STXBP6: variants seen among roughly 807,000 people sequenced by gnomAD.
The protein encoded by STXBP6 is syntaxin binding protein 6.
STXBP6 carries 21 observed loss-of-function variants against 26.9 expected under a neutral mutation model. The ratio of observed to expected loss-of-function variants is 0.78; its 90% confidence interval spans 0.55 to 1.12. STXBP6 has a LOEUF of 1.12. Among genes scored for constraint, STXBP6 ranks in the 50% most tolerant of loss-of-function variants. The pLI, the probability that STXBP6 is intolerant of heterozygous loss-of-function variation, is 0.00. For synonymous variants in STXBP6, 97 were observed against 92.6 expected, an observed-to-expected ratio of 1.05 and a Z score of -0.27; for missense variants, 232 against 257.9, an observed-to-expected ratio of 0.90 and a Z score of 0.69.
At chr14:24,853,996 A>C (rs978388544) in intron 4 of STXBP6, among the ~76,000 whole-genome samples, 1 of 152,122 alleles carries the variant, frequency 6.6e-6, no homozygotes, top group African/African-American at 2.4e-5. Flanking sequence ...TAAGGAACCA[A>C]ATATAGAATT....
chr14:24,813,802 C>G (rs1360855840), intron 5 of STXBP6, among the ~76,000 whole-genome samples: 3 of 152,168 alleles, frequency 2.0e-5, no homozygotes, highest in Non-Finnish European at 4.4e-5. Context: ...TCTGCAAAAC[C>G]CAGGGCAACC....
intron 1 of STXBP6, among the ~76,000 whole-genome samples, chr14:25,032,615 C>A (rs1019744940): frequency 5.3e-5 from 8 of 152,200 alleles, no homozygotes; most frequent in Non-Finnish European, 8.8e-5. Flanking sequence ...AGGGCCTATG[C>A]CCTCTGAGCA....
intron 1 of STXBP6, among the ~76,000 whole-genome samples, chr14:25,039,610 C>G (rs2075609835): frequency 6.6e-6 from 1 of 152,148 alleles, no homozygotes; most frequent in Non-Finnish European, 1.5e-5. Flanking sequence ...TCCTCTACAG[C>G]ATTGGCCCAA....
intron 2 of STXBP6, among the ~76,000 whole-genome samples, chr14:24,865,082 TA>T (rs33988920): frequency 0.88 from 133,960 of 151,996 alleles, 59,974 homozygotes; most frequent in Non-Finnish European, 0.97. Flanking sequence ...TTTAATTTTT[TA>T]AAACTCTAGG....
At chr14:24,955,712 C>G (rs1366166507) in intron 2 of STXBP6, among the ~76,000 whole-genome samples, 1 of 152,104 alleles carries the variant, frequency 6.6e-6, no homozygotes, top group Non-Finnish European at 1.5e-5. Context: ...TCTGGCCCTG[C>G]TTCCCCCAGC....
intron 2 of STXBP6, among the ~76,000 whole-genome samples, chr14:24,952,093 G>A (rs937865339): frequency 2.6e-5 from 4 of 151,334 alleles, no homozygotes; most frequent in Non-Finnish European, 5.9e-5. Context: ...AAATAATCCA[G>A]TGAGAGGCAG....
chr14:25,030,668 A>G (rs2075436861), intron 1 of STXBP6, among the ~76,000 whole-genome samples: 1 of 152,066 alleles, frequency 6.6e-6, no homozygotes, highest in South Asian at 2.1e-4. Context: ...CCACCTAAAC[A>G]CCAGGGCACA....
At chr14:24,964,834 TTTTGTTTTAA>T (rs2073681792) in intron 2 of STXBP6, among the ~76,000 whole-genome samples, 1 of 152,170 alleles carries the variant, frequency 6.6e-6, no homozygotes, top group Admixed American at 6.6e-5. Flanking sequence ...TTTTGTTTTA[TTTTGTTTTAA>T]TTTTTCTTTT....
chr14:24,821,948 G>A (rs1333372074), intron 4 of STXBP6, among the ~76,000 whole-genome samples: 1 of 151,974 alleles, frequency 6.6e-6, no homozygotes, highest in Non-Finnish European at 1.5e-5. Flanking sequence ...TGTAATCCCA[G>A]GGTTCTTTCC....
chr14:25,036,814 C>A (rs1312575424), intron 1 of STXBP6, among the ~76,000 whole-genome samples: 3 of 148,148 alleles, frequency 2.0e-5, no homozygotes, highest in Non-Finnish European at 4.4e-5. Flanking sequence ...CAAGATGGCG[C>A]CACAGCACTC....
chr14:24,842,828 T>C (rs1321844384), intron 4 of STXBP6, among the ~76,000 whole-genome samples: 2 of 152,356 alleles, frequency 1.3e-5, no homozygotes, highest in South Asian at 2.1e-4. Context: ...TTAGTGGCTG[T>C]ATCTGTTATC....
chr14:25,011,496 G>A (rs548220355), intron 1 of STXBP6, among the ~76,000 whole-genome samples: 5 of 152,256 alleles, frequency 3.3e-5, no homozygotes, highest in African/African-American at 1.2e-4. Context: ...AGCTAATGTT[G>A]TTCATTAGCC....
At chr14:24,837,694 C>A (rs1379530998) in intron 4 of STXBP6, among the ~76,000 whole-genome samples, 1 of 152,116 alleles carries the variant, frequency 6.6e-6, no homozygotes, top group African/African-American at 2.4e-5. Flanking sequence ...TTAATCTCTG[C>A]AAAATTAAAA....
intron 4 of STXBP6, among the ~76,000 whole-genome samples, chr14:24,846,493 G>C (rs949446944): frequency 6.6e-6 from 1 of 152,092 alleles, no homozygotes; most frequent in Non-Finnish European, 1.5e-5. Flanking sequence ...TACCATAAAC[G>C]TTCTTTGTTT....
At chr14:24,816,452 A>C (rs1047661399) in intron 5 of STXBP6, 5 of 152,306 alleles carry the variant, frequency 3.3e-5, no homozygotes, top group African/African-American at 9.6e-5. Flanking sequence ...CCAGTGATTC[A>C]TAGGCACACA....
At chr14:25,034,178 C>T (rs1296966457) in intron 1 of STXBP6, among the ~76,000 whole-genome samples, 1 of 152,034 alleles carries the variant, frequency 6.6e-6, no homozygotes, top group African/African-American at 2.4e-5. Flanking sequence ...GTAATAATAC[C>T]CAAACACTTA....
rs528125997 is a variant in STXBP6, at chr14:24,897,303, G to A, written c.155-40146C>T. Among the ~76,000 whole-genome samples the A allele has an allele frequency of 2.4e-3, 368 of 151,284 alleles. 3 individuals are homozygous for A. Among genetic ancestry groups the A allele is most frequent in the African/African-American group, 8.3e-3 (343 of 41,130 alleles). ...TGGGCGCCTTTAGTCCCAGCTACTC[G>A]GGAGGCTGAGGCAGGAGAATGGCAT... On this transcript the variant is annotated intron_variant, in intron 2 of 5. Transcript: ENST00000323944.
intron 1 of STXBP6, among the ~76,000 whole-genome samples, chr14:24,997,717 C>T (rs978712647): frequency 2.0e-5 from 3 of 152,168 alleles, no homozygotes; most frequent in Non-Finnish European, 4.4e-5. Context: ...TGTAAATCCA[C>T]CCTTCAGAGA....
intron 2 of STXBP6, among the ~76,000 whole-genome samples, chr14:24,867,319 A>C (rs1387686550): frequency 2.0e-5 from 3 of 152,144 alleles, no homozygotes; most frequent in Non-Finnish European, 4.4e-5. Context: ...CTTGATCTTG[A>C]TCAGCACCTC....
Sources: gnomAD v4.1 joint callset for allele counts (sites outside exome capture counted in the v4.1 genomes callset) on GRCh38, gnomAD v4.1.1 for gene constraint, MANE v1.5 for transcripts, NCBI Gene and HGNC (gene_info 2026-07-23, HGNC 2026-07-21) for gene names.